GABRA4: variants seen among roughly 807,000 people sequenced by gnomAD.
GABRA4 encodes gamma-aminobutyric acid type A receptor subunit alpha4.
A neutral mutation model predicts 49.7 loss-of-function variants in GABRA4; 12 were observed. The observed-to-expected ratio is 0.24, with a 90% confidence interval of 0.15 to 0.39. The LOEUF (loss-of-function observed/expected upper bound fraction) is 0.39, where lower values mean the gene tolerates loss of function less well. Ranked by LOEUF, GABRA4 falls within the 10% of genes least tolerant of loss-of-function variation. The probability of loss-of-function intolerance (pLI) is 1.00; values close to 1 mark genes in which losing one functional copy is unlikely to be tolerated. For missense variants in GABRA4, 506 were observed against 686.0 expected (o/e 0.74, Z 2.93); for synonymous variants, 288 against 240.2 (o/e 1.20, Z -1.84).
intron 2 of GABRA4, among the ~76,000 whole-genome samples, chr4:46,982,790 A>G (rs1560483277): frequency 6.6e-6 from 1 of 151,970 alleles, no homozygotes; most frequent in Non-Finnish European, 1.5e-5. Context: ...CATTACAGGG[A>G]AGCAAAAGTA....
At chr4:46,964,919 AT>A in intron 8 of GABRA4, 50 bp downstream of exon 8, 1 of 1,495,582 alleles carries the variant, frequency 6.7e-7, no homozygotes, top group Non-Finnish European at 8.9e-7. Context: ...GACAAAATAA[AT>A]TTGACCAAGA....
chr4:46,966,008 C>A (rs1275562813), intron 7 of GABRA4, among the ~76,000 whole-genome samples: 1 of 148,104 alleles, frequency 6.8e-6, no homozygotes, highest in East Asian at 1.9e-4. Context: ...GCTTCTGAAG[C>A]ACCACATCCA....
intron 2 of GABRA4, among the ~76,000 whole-genome samples, chr4:46,991,319 G>A (rs1723736632): frequency 6.6e-6 from 1 of 152,168 alleles, no homozygotes; most frequent in African/African-American, 2.4e-5. Context: ...GATGTACTAT[G>A]TGCCCTTATA....
In GABRA4 at chr4:46,955,954, G is replaced by C. The variant is rs561975275; in HGVS notation, c.1134+9016C>G. Among the ~76,000 whole-genome samples the C allele has an allele frequency of 1.8e-3, 276 of 152,152 alleles. 1 individual carries two copies. The highest frequency in any genetic ancestry group is 3.1e-3 in the Non-Finnish European group (211 of 67,982). On this transcript the variant is annotated intron_variant, in intron 8 of 8. Coordinates refer to ENST00000264318, the MANE Select transcript of GABRA4 (RefSeq NM_000809.4). Reference sequence around the variant, plus strand: ...GCAGGTGACTTCACAATAGTTGCCTGGTAAACACTTGCTATCTGAGTAGCT... The same window carrying C: ...GCAGGTGACTTCACAATAGTTGCCTCGTAAACACTTGCTATCTGAGTAGCT...
At chr4:46,963,408 T>C (rs1722647436) in intron 8 of GABRA4, among the ~76,000 whole-genome samples, 1 of 151,812 alleles carries the variant, frequency 6.6e-6, no homozygotes, top group Admixed American at 6.6e-5. Context: ...TGGGGGACAG[T>C]CTTTCCTGTG....
chr4:46,993,253 G>T (rs1285332439), intron 1 of GABRA4, 86 bp downstream of exon 1: 7 of 1,137,504 alleles, frequency 6.2e-6, no homozygotes, highest in Non-Finnish European at 9.4e-6. Flanking sequence ...AGTCCACCCA[G>T]GGAGGAGCGA....
intron 7 of GABRA4, among the ~76,000 whole-genome samples, chr4:46,969,956 A>G (rs994814109): frequency 6.6e-6 from 1 of 150,772 alleles, no homozygotes; most frequent in African/African-American, 2.4e-5. Flanking sequence ...TCCCTCCACC[A>G]TTGCCCCCCC....
chr4:46,986,485 C>T lies in GABRA4; in HGVS notation c.205+6343G>A, dbSNP rs759507657. Among the ~76,000 whole-genome samples, 46 of 152,100 alleles carry T rather than the reference C, an allele frequency of 3.0e-4. 1 individual carries two copies. Among genetic ancestry groups the T allele is most frequent in the Admixed American group, 1.2e-3 (18 of 15,242 alleles). The stretch of plus-strand genomic sequence containing the variant: ...GTTTTATACACACTCCCTTGGTTTT[C>T]CTGCTACTTCACAAACCACTCCTTT... On this transcript the variant is annotated intron_variant, in intron 2 of 8. Transcript: ENST00000264318.
intron 2 of GABRA4, among the ~76,000 whole-genome samples, chr4:46,981,755 T>C (rs1723365099): frequency 6.6e-6 from 1 of 151,954 alleles, no homozygotes; most frequent in African/African-American, 2.4e-5. Flanking sequence ...AAATACAGGA[T>C]GGTAAGAGTG....
chr4:46,930,964 A>G (rs1448952274), intron 8 of GABRA4, among the ~76,000 whole-genome samples: 1 of 151,898 alleles, frequency 6.6e-6, no homozygotes, highest in Non-Finnish European at 1.5e-5. Flanking sequence ...ACAGAAAAAA[A>G]CTGGCAGGCT....
intron 1 of GABRA4, 90 bp from the exon 2 acceptor site, chr4:46,993,036 A>T: frequency 1.0e-6 from 1 of 1,003,954 alleles, no homozygotes; most frequent in Non-Finnish European, 1.6e-6. Context: ...TTTTCTAGGG[A>T]AAGAGTCGCT....
intron 8 of GABRA4, among the ~76,000 whole-genome samples, chr4:46,946,692 C>T (rs1721992535): frequency 6.6e-6 from 1 of 152,206 alleles, no homozygotes; most frequent in South Asian, 2.1e-4. Context: ...CAACGCCTGG[C>T]ACAAATTAGT....
intron 8 of GABRA4, among the ~76,000 whole-genome samples, chr4:46,934,072 G>C (rs1348332844): frequency 6.6e-6 from 1 of 152,114 alleles, no homozygotes; most frequent in Non-Finnish European, 1.5e-5. Flanking sequence ...CTAAGATTAG[G>C]TCTGCAGAAT....
At chr4:46,953,104 A>G (rs968044334) in intron 8 of GABRA4, among the ~76,000 whole-genome samples, 11 of 152,138 alleles carry the variant, frequency 7.2e-5, no homozygotes, top group Admixed American at 2.0e-4. Context: ...TTGTTTATAA[A>G]TTAGATAGCA....
intron 8 of GABRA4, among the ~76,000 whole-genome samples, chr4:46,947,119 A>G (rs958485614): frequency 2.0e-5 from 3 of 151,680 alleles, no homozygotes; most frequent in African/African-American, 7.3e-5. Flanking sequence ...GTTGCCAAGG[A>G]GATAATGTAT....
At chr4:46,938,937 AT>A (rs1461097819) in intron 8 of GABRA4, among the ~76,000 whole-genome samples, 1 of 152,088 alleles carries the variant, frequency 6.6e-6, no homozygotes, top group Non-Finnish European at 1.5e-5. Context: ...TCACAAAAAA[AT>A]AAACACAAAA....
chr4:46,931,820 T>C (rs769871935), intron 8 of GABRA4, among the ~76,000 whole-genome samples: 1 of 152,078 alleles, frequency 6.6e-6, no homozygotes, highest in Non-Finnish European at 1.5e-5. Flanking sequence ...TAGCCAGTTA[T>C]CACAATGAGA....
intron 8 of GABRA4, among the ~76,000 whole-genome samples, chr4:46,962,090 T>G (rs73247608): frequency 0.14 from 20,880 of 151,896 alleles, 2,032 homozygotes; most frequent in Admixed American, 0.32. Context: ...ACTGTACATT[T>G]ACTACAACTA....
At chr4:46,957,188 A>T (rs1722395451) in intron 8 of GABRA4, among the ~76,000 whole-genome samples, 2 of 151,930 alleles carry the variant, frequency 1.3e-5, no homozygotes, top group South Asian at 4.2e-4. Flanking sequence ...AAGGATCCGA[A>T]TACTTAAGGC....
Sources: gnomAD v4.1 joint callset for allele counts (sites outside exome capture counted in the v4.1 genomes callset) on GRCh38, gnomAD v4.1.1 for gene constraint, MANE v1.5 for transcripts, NCBI Gene and HGNC (gene_info 2026-07-23, HGNC 2026-07-21) for gene names.